Variants in UBE2E3 observed in about 807,000 individuals in gnomAD.
UBE2E3 encodes the protein ubiquitin conjugating enzyme E2 E3.
UBE2E3 carries 5 observed loss-of-function variants against 23.6 expected under a neutral mutation model. That is an observed-to-expected ratio of 0.21 (90% CI 0.11 to 0.44). The LOEUF (loss-of-function observed/expected upper bound fraction) is 0.44. UBE2E3 is among the 20% of genes least tolerant of loss of function. UBE2E3 has a pLI of 0.99. For synonymous variants in UBE2E3, 78 were observed against 87.5 expected, an observed-to-expected ratio of 0.89 and a Z score of 0.60; for missense variants, 81 against 249.8, an observed-to-expected ratio of 0.32 and a Z score of 4.55.
chr2:181,062,034 GA>G (rs1196275775), intron 5 of UBE2E3, among the ~76,000 whole-genome samples: 2 of 151,488 alleles, frequency 1.3e-5, no homozygotes, highest in Non-Finnish European at 3.0e-5. Flanking sequence ...AAAGGCACTG[GA>G]AAAAAATACA....
intron 3 of UBE2E3, among the ~76,000 whole-genome samples, chr2:181,002,192 T>G (rs752587239): frequency 5.5e-5 from 5 of 90,238 alleles, no homozygotes; most frequent in Non-Finnish European, 1.1e-4. Context: ...AATGGATTTC[T>G]TTTTTTACTG....
At chr2:180,989,931 G>A in intron 3 of UBE2E3, 1 of 1,549,498 alleles carries the variant, frequency 6.5e-7, no homozygotes, top group East Asian at 2.4e-5. Context: ...GATTGAGAAT[G>A]AAGAACTTGT....
intron 3 of UBE2E3, among the ~76,000 whole-genome samples, chr2:181,040,951 C>T (rs1455030948): frequency 6.6e-6 from 1 of 151,988 alleles, no homozygotes; most frequent in Non-Finnish European, 1.5e-5. Flanking sequence ...TTCCTTTTCT[C>T]CAAAGAAATG....
At chr2:181,007,633 T>TA (rs1243848603) in intron 3 of UBE2E3, among the ~76,000 whole-genome samples, 4 of 152,144 alleles carry the variant, frequency 2.6e-5, no homozygotes, top group Non-Finnish European at 5.9e-5. Context: ...TCTCCAGAGT[T>TA]ACCATCCTGG....
chr2:181,003,113 C>G lies in UBE2E3; in HGVS notation c.245+19020C>G, dbSNP rs114173100. Among the ~76,000 whole-genome samples the G allele has an allele frequency of 3.9e-3, 592 of 152,300 alleles. 4 individuals carry two copies. Among genetic ancestry groups the G allele is most frequent in the African/African-American group, 0.014 (575 of 41,554 alleles). ...AGAATGGAGTGTATGTCCTGAACAT[C>G]ACTTTTGTGACAGGAAGTATAATAT... On this transcript the variant is annotated intron_variant, in intron 3 of 5. Coordinates refer to ENST00000410062, the MANE Select transcript of UBE2E3 (RefSeq NM_006357.4).
intron 3 of UBE2E3, among the ~76,000 whole-genome samples, chr2:181,013,645 A>C (rs74636853): frequency 2.6e-5 from 4 of 152,150 alleles, no homozygotes; most frequent in African/African-American, 9.7e-5. Flanking sequence ...GGGTTTCAAG[A>C]GCGAATATTC....
At chr2:181,053,960 T>C (rs1249567107) in intron 3 of UBE2E3, among the ~76,000 whole-genome samples, 6 of 151,838 alleles carry the variant, frequency 4.0e-5, no homozygotes, top group Non-Finnish European at 5.9e-5. Flanking sequence ...AGCCTTTTCA[T>C]ATTGGGTTCT....
intron 3 of UBE2E3, among the ~76,000 whole-genome samples, chr2:180,999,070 A>G (rs929933513): frequency 2.0e-5 from 3 of 152,210 alleles, no homozygotes; most frequent in African/African-American, 7.2e-5. Context: ...AGGCAAATGT[A>G]GTATGAATCC....
intron 3 of UBE2E3, among the ~76,000 whole-genome samples, chr2:180,993,605 T>G (rs1301758795): frequency 2.0e-5 from 3 of 152,226 alleles, no homozygotes; most frequent in African/African-American, 7.2e-5. Context: ...TTTACATCCA[T>G]GCGTCTCACT....
At chr2:181,030,093 A>C (rs772741624) in intron 3 of UBE2E3, among the ~76,000 whole-genome samples, 1 of 151,762 alleles carries the variant, frequency 6.6e-6, no homozygotes, top group Non-Finnish European at 1.5e-5. Flanking sequence ...CGGCCTCCCA[A>C]AGTGCTGCGA....
intron 4 of UBE2E3, among the ~76,000 whole-genome samples, 181 bp from the exon 5 acceptor site, chr2:181,060,484 A>G (rs575810493): frequency 3.3e-5 from 5 of 151,868 alleles, no homozygotes; most frequent in Non-Finnish European, 7.4e-5. Flanking sequence ...CAGGGTAAAA[A>G]CAAAAAATTT....
chr2:181,024,464 AAGC>A (rs1324887928), intron 3 of UBE2E3, among the ~76,000 whole-genome samples: 1 of 152,134 alleles, frequency 6.6e-6, no homozygotes, highest in Non-Finnish European at 1.5e-5. Flanking sequence ...AACAAGCAAT[AAGC>A]AGATTAGGTA....
chr2:180,995,640 T>TATTGG (rs1684803003), intron 3 of UBE2E3, among the ~76,000 whole-genome samples: 1 of 152,102 alleles, frequency 6.6e-6, no homozygotes, highest in Non-Finnish European at 1.5e-5. Context: ...CTGTTTTGCT[T>TATTGG]ATTGGATTTC....
chr2:181,058,948 T>C (rs1268284750), intron 4 of UBE2E3, among the ~76,000 whole-genome samples: 4 of 151,796 alleles, frequency 2.6e-5, no homozygotes, highest in Non-Finnish European at 5.9e-5. Flanking sequence ...ATGGGGAAGA[T>C]TAATTGAAGA....
At chr2:181,022,165 A>G (rs539586865) in intron 3 of UBE2E3, among the ~76,000 whole-genome samples, 314 of 152,324 alleles carry the variant, frequency 2.1e-3, no homozygotes, top group Non-Finnish European at 3.7e-3. Context: ...CAAACATACT[A>G]TAAGTTTAGG....
intron 3 of UBE2E3, among the ~76,000 whole-genome samples, chr2:181,002,874 C>G (rs1685029966): frequency 6.6e-6 from 1 of 152,136 alleles, no homozygotes; most frequent in South Asian, 2.1e-4. Flanking sequence ...TGGGGCACAC[C>G]CCAGTTTGTG....
chr2:181,026,755 A>G (rs531228374), intron 3 of UBE2E3, among the ~76,000 whole-genome samples: 7 of 151,896 alleles, frequency 4.6e-5, no homozygotes, highest in Non-Finnish European at 2.9e-5. Flanking sequence ...GTGTCAGTCA[A>G]TATGGTTATA....
intron 3 of UBE2E3, among the ~76,000 whole-genome samples, chr2:180,992,275 C>T (rs1263348017): frequency 1.3e-5 from 2 of 152,022 alleles, no homozygotes; most frequent in Non-Finnish European, 2.9e-5. Flanking sequence ...TCATTCCATT[C>T]ATTCTAGATA....
intron 3 of UBE2E3, among the ~76,000 whole-genome samples, chr2:180,986,598 T>C (rs1684478413): frequency 6.6e-6 from 1 of 152,114 alleles, no homozygotes; most frequent in South Asian, 2.1e-4. Flanking sequence ...ATTTATTAAT[T>C]TATGCTATAA....
Sources: gnomAD v4.1 joint callset for allele counts (sites outside exome capture counted in the v4.1 genomes callset) on GRCh38, gnomAD v4.1.1 for gene constraint, MANE v1.5 for transcripts, NCBI Gene and HGNC (gene_info 2026-07-23, HGNC 2026-07-21) for gene names.